Variants in DCP1A observed in about 807,000 individuals in gnomAD.
DCP1A encodes the protein mRNA-decapping enzyme 1A.
In DCP1A, 20 loss-of-function variants were observed where a neutral mutation model predicts 58.0. That is an observed-to-expected ratio of 0.34 (90% CI 0.24 to 0.50). The LOEUF (loss-of-function observed/expected upper bound fraction) is 0.50. DCP1A is among the 20% of genes least tolerant of loss of function. The pLI, the probability that DCP1A is intolerant of heterozygous loss-of-function variation, is 0.98. For synonymous variants in DCP1A, 285 were observed against 275.1 expected (o/e 1.04, Z -0.36); for missense variants, 613 against 712.2 (o/e 0.86, Z 1.59).
At chr3:53,334,740 C>T (rs559772802) in intron 3 of DCP1A, among the ~76,000 whole-genome samples, 1 of 152,092 alleles carries the variant, frequency 6.6e-6, no homozygotes, top group Admixed American at 6.6e-5. Flanking sequence ...AAGAGAAAAA[C>T]CAGTTGTCTG....
intron 5 of DCP1A, among the ~76,000 whole-genome samples, chr3:53,308,012 T>G (rs1707526079): frequency 6.6e-6 from 1 of 152,188 alleles, no homozygotes; most frequent in Admixed American, 6.5e-5. Context: ...AAAAAGATAG[T>G]TATTTGGAAC....
intron 7 of DCP1A, among the ~76,000 whole-genome samples, 188 bp from the exon 8 acceptor site, chr3:53,291,044 C>A (rs1171017429): frequency 6.6e-6 from 1 of 152,168 alleles, no homozygotes; most frequent in Non-Finnish European, 1.5e-5. Flanking sequence ...ATGCAGCCAA[C>A]AATTCAACTG....
intron 1 of DCP1A, 80 bp downstream of exon 1, chr3:53,347,303 C>A: frequency 7.1e-7 from 1 of 1,404,462 alleles, no homozygotes. Flanking sequence ...GTGTGCCCCC[C>A]CACCCCACAG....
intron 3 of DCP1A, among the ~76,000 whole-genome samples, chr3:53,337,631 T>C (rs2089139571): frequency 6.6e-6 from 1 of 152,226 alleles, no homozygotes; most frequent in South Asian, 2.1e-4. Context: ...AAAGCCACCC[T>C]CAGGGATATA....
At position 53,315,770 on chromosome 3, in the gene DCP1A, T is replaced by A. The variant is rs1160705273; in HGVS notation, c.372-3391A>T. Among the ~76,000 whole-genome samples the A allele has an allele frequency of 5.6e-4, 81 of 144,782 alleles. 1 individual carries two copies. The highest frequency in any genetic ancestry group is 1.9e-3 in the African/African-American group (73 of 38,828). 95.0% of individuals were successfully genotyped at this position (144,782 alleles called of 152,430 possible). ...TTTTTTTTTTTTGTTTTTTTTTTTTTTGAGACGGAGTCTCGCTCTGTCGCC... is the reference window on the plus strand; with the variant it reads ...TTTTTTTTTTTTGTTTTTTTTTTTTATGAGACGGAGTCTCGCTCTGTCGCC... On this transcript the variant is annotated intron_variant, in intron 4 of 9. Coordinates refer to ENST00000610213, the MANE Select transcript of DCP1A (RefSeq NM_018403.7).
At chr3:53,299,438 T>C (rs1247867382) in intron 6 of DCP1A, among the ~76,000 whole-genome samples, 1 of 152,236 alleles carries the variant, frequency 6.6e-6, no homozygotes, top group African/African-American at 2.4e-5. Flanking sequence ...AGCAACAGCA[T>C]GTACAGCACA....
chr3:53,345,650 T>G (rs2089282826), intron 1 of DCP1A, among the ~76,000 whole-genome samples: 1 of 152,186 alleles, frequency 6.6e-6, no homozygotes, highest in Non-Finnish European at 1.5e-5. Flanking sequence ...CCTAAATATT[T>G]TACTGTAATC....
chr3:53,293,423 T>C (rs1553686436), intron 6 of DCP1A, among the ~76,000 whole-genome samples: 2 of 152,202 alleles, frequency 1.3e-5, no homozygotes, highest in Non-Finnish European at 2.9e-5. Context: ...AGGAAAAACA[T>C]TCGTGTTTTC....
intron 9 of DCP1A, among the ~76,000 whole-genome samples, 182 bp from the exon 10 acceptor site, chr3:53,287,842 T>C (rs1305037690): frequency 6.6e-6 from 1 of 152,028 alleles, no homozygotes; most frequent in Non-Finnish European, 1.5e-5. Flanking sequence ...ACCAGGACTG[T>C]ATGCTTAAAA....
At chr3:53,311,346 G>T (rs554310881) in intron 5 of DCP1A, among the ~76,000 whole-genome samples, 1 of 152,314 alleles carries the variant, frequency 6.6e-6, no homozygotes, top group African/African-American at 2.4e-5. Flanking sequence ...GCAGTAGAGA[G>T]CTTGTCTCAC....
At position 53,337,990 on chromosome 3, in the gene DCP1A, T is replaced by C. The variant is rs1407607012; in HGVS notation, c.304+4154A>G. 6.4e-5 allele frequency: 18 copies of C among 279,708 alleles called. 1 individual carries two copies. The highest frequency in any genetic ancestry group is 4.5e-4 in the South Asian group (14 of 31,036). 17.3% of individuals were successfully genotyped at this position (279,708 alleles called of 1,614,324 possible). On this transcript the variant is annotated intron_variant, in intron 3 of 9. Coordinates refer to ENST00000610213, the MANE Select transcript of DCP1A (RefSeq NM_018403.7). ...TAGTGGATAGCACTACTCTAGAATA[T>C]GGATTGATGAAGTAATTTTATTGTT...
intron 3 of DCP1A, among the ~76,000 whole-genome samples, chr3:53,331,074 G>A (rs2088990744): frequency 6.6e-6 from 1 of 152,066 alleles, no homozygotes; most frequent in Non-Finnish European, 1.5e-5. Flanking sequence ...GGTCAGGCTG[G>A]TCTCAAACTC....
intron 4 of DCP1A, among the ~76,000 whole-genome samples, chr3:53,316,607 T>C (rs1707822626): frequency 6.7e-6 from 1 of 150,302 alleles, no homozygotes; most frequent in Non-Finnish European, 1.5e-5. Flanking sequence ...TTTTTTTTTT[T>C]TTTTTTTTTT....
intron 3 of DCP1A, among the ~76,000 whole-genome samples, chr3:53,322,466 A>G (rs1020493270): frequency 6.6e-6 from 1 of 150,648 alleles, no homozygotes; most frequent in Non-Finnish European, 1.5e-5. Context: ...AAAAAAAAAA[A>G]TTATATATAT....
At chr3:53,330,779 G>A (rs187750025) in intron 3 of DCP1A, among the ~76,000 whole-genome samples, 12 of 149,806 alleles carry the variant, frequency 8.0e-5, no homozygotes, top group Admixed American at 5.3e-4. Context: ...AGTTAATCAC[G>A]TTGGTTAAAA....
At chr3:53,308,535 C>T (rs1478431668) in intron 5 of DCP1A, among the ~76,000 whole-genome samples, 1 of 152,216 alleles carries the variant, frequency 6.6e-6, no homozygotes, top group African/African-American at 2.4e-5. Flanking sequence ...CCTGCTCCAG[C>T]CTTCCAAAGC....
intron 3 of DCP1A, among the ~76,000 whole-genome samples, chr3:53,338,916 T>G (rs1553692258): frequency 6.6e-6 from 1 of 151,170 alleles, no homozygotes. Context: ...AACTTAGAAC[T>G]GAAAAAAAGT....
At chr3:53,333,975 C>G (rs782637244) in intron 3 of DCP1A, among the ~76,000 whole-genome samples, 1 of 151,744 alleles carries the variant, frequency 6.6e-6, no homozygotes, top group Non-Finnish European at 1.5e-5. Context: ...TTGAAACCAG[C>G]ATACAGGGCC....
chr3:53,337,349 T>C (rs1553692055), intron 3 of DCP1A, among the ~76,000 whole-genome samples: 5 of 152,186 alleles, frequency 3.3e-5, no homozygotes. Flanking sequence ...TATAAGAGAA[T>C]CTGGATAGGC....
Sources: allele counts gnomAD v4.1 joint callset (sites outside exome capture counted in the v4.1 genomes callset), GRCh38; gene constraint gnomAD v4.1.1; transcripts MANE v1.5; gene names NCBI Gene and HGNC (gene_info 2026-07-23, HGNC 2026-07-21).